Variants in ARHGAP42 observed in about 807,000 individuals in gnomAD.
ARHGAP42 encodes the protein rho GTPase-activating protein 42.
ARHGAP42 carries 63 observed loss-of-function variants against 125.0 expected under a neutral mutation model. The observed-to-expected ratio is 0.50, with a 90% CI of 0.41 to 0.62. ARHGAP42 has a LOEUF of 0.62. Ranked by LOEUF, ARHGAP42 falls within the 20% of genes least tolerant of loss-of-function variation. The pLI, the probability that ARHGAP42 is intolerant of heterozygous loss-of-function variation, is 0.00. For missense variants in ARHGAP42, 766 were observed against 1,024.2 expected (o/e 0.75, Z 3.44); for synonymous variants, 339 against 351.0 (o/e 0.97, Z 0.38).
intron 2 of ARHGAP42, among the ~76,000 whole-genome samples, chr11:100,786,787 G>A (rs1863447209): frequency 6.6e-6 from 1 of 152,094 alleles, no homozygotes; most frequent in Non-Finnish European, 1.5e-5. Context: ...TTTCTCTTAT[G>A]GGGCAAGTCC....
At chr11:100,742,032 T>G (rs548992868) in intron 1 of ARHGAP42, among the ~76,000 whole-genome samples, 113 of 152,330 alleles carry the variant, frequency 7.4e-4, no homozygotes, top group African/African-American at 2.6e-3. Context: ...GCAGCTGATC[T>G]AAATAGTCTT....
intron 8 of ARHGAP42, among the ~76,000 whole-genome samples, chr11:100,941,421 A>G (rs1565286476): frequency 6.6e-6 from 1 of 152,172 alleles, no homozygotes; most frequent in Non-Finnish European, 1.5e-5. Context: ...ATGAGAGTAA[A>G]GTATACAGGT....
intron 2 of ARHGAP42, among the ~76,000 whole-genome samples, chr11:100,791,548 C>CT (rs993582721): frequency 1.1e-4 from 17 of 148,294 alleles, no homozygotes; most frequent in South Asian, 2.1e-4. Flanking sequence ...ATGTCCTCAA[C>CT]TTTTTTTTTT....
At chr11:100,689,633 G>T (rs547449104) in intron 1 of ARHGAP42, among the ~76,000 whole-genome samples, 5 of 152,136 alleles carry the variant, frequency 3.3e-5, no homozygotes, top group Admixed American at 2.0e-4. Context: ...TCTTGGGAGC[G>T]TAGGCTCTTT....
chr11:100,805,632 A>C (rs1863970267), intron 3 of ARHGAP42, among the ~76,000 whole-genome samples: 1 of 152,168 alleles, frequency 6.6e-6, no homozygotes, highest in Admixed American at 6.5e-5. Flanking sequence ...CTATACTTAT[A>C]GTTACTTCTT....
At chr11:100,769,680 T>TC (rs1342050046) in intron 1 of ARHGAP42, among the ~76,000 whole-genome samples, 1 of 151,786 alleles carries the variant, frequency 6.6e-6, no homozygotes, top group African/African-American at 2.4e-5. Flanking sequence ...TTGGCTTTTT[T>TC]CCCGTCACCA....
intron 3 of ARHGAP42, among the ~76,000 whole-genome samples, chr11:100,797,672 A>G (rs1045934458): frequency 7.9e-5 from 12 of 152,306 alleles, no homozygotes; most frequent in African/African-American, 2.6e-4. Context: ...CCCAAGAGCT[A>G]TGATGGAGAT....
At chr11:100,949,326 G>A (rs1868110472) in intron 11 of ARHGAP42, among the ~76,000 whole-genome samples, 1 of 152,074 alleles carries the variant, frequency 6.6e-6, no homozygotes, top group African/African-American at 2.4e-5. Context: ...AAATCCTGTA[G>A]CCACTTGGGT....
chr11:100,740,839 A>T (rs866403694), intron 1 of ARHGAP42, among the ~76,000 whole-genome samples: 9 of 151,684 alleles, frequency 5.9e-5, no homozygotes, highest in Admixed American at 4.6e-4. Context: ...TGGATTATTT[A>T]AAAAAAATAT....
intron 10 of ARHGAP42, among the ~76,000 whole-genome samples, chr11:100,944,952 G>T (rs1413887114): frequency 6.6e-6 from 1 of 151,948 alleles, no homozygotes; most frequent in East Asian, 1.9e-4. Context: ...TTTCAACAAA[G>T]ATTTCTCTGT....
intron 3 of ARHGAP42, among the ~76,000 whole-genome samples, chr11:100,800,675 T>G (rs570186106): frequency 9.8e-5 from 15 of 152,336 alleles, no homozygotes; most frequent in African/African-American, 2.9e-4. Flanking sequence ...TTTCTGTTTT[T>G]GGGGCAGGGA....
chr11:100,787,328 A>G (rs1421273458), intron 2 of ARHGAP42, among the ~76,000 whole-genome samples: 1 of 151,434 alleles, frequency 6.6e-6, no homozygotes, highest in Non-Finnish European at 1.5e-5. Context: ...ATCTCCTGCC[A>G]CCATGTAAGA....
intron 5 of ARHGAP42, among the ~76,000 whole-genome samples, chr11:100,915,802 A>G (rs12271853): frequency 1.6e-3 from 247 of 152,334 alleles, no homozygotes; most frequent in African/African-American, 5.8e-3. Flanking sequence ...AAATTTTGTT[A>G]AAGTAGCTTC....
intron 4 of ARHGAP42, among the ~76,000 whole-genome samples, chr11:100,907,649 T>C (rs1417747034): frequency 6.6e-6 from 1 of 152,192 alleles, no homozygotes; most frequent in Non-Finnish European, 1.5e-5. Context: ...TCCCTTGGGC[T>C]CCAGGTAATG....
chr11:100,884,336 A>T (rs1320323267), intron 4 of ARHGAP42, among the ~76,000 whole-genome samples: 1 of 152,194 alleles, frequency 6.6e-6, no homozygotes, highest in Non-Finnish European at 1.5e-5. Flanking sequence ...GTTGGTTTAG[A>T]ATAAGCCACG....
intron 1 of ARHGAP42, among the ~76,000 whole-genome samples, chr11:100,700,778 T>A (rs1861383287): frequency 6.6e-6 from 1 of 152,230 alleles, no homozygotes; most frequent in East Asian, 1.9e-4. Flanking sequence ...CTTGAACCCC[T>A]TCAAGTCATA....
At chr11:100,903,114 T>TGCGC (rs779395122) in intron 4 of ARHGAP42, among the ~76,000 whole-genome samples, 9,253 of 31,860 alleles carry the variant, frequency 0.29, 360 homozygotes, top group South Asian at 0.33. Flanking sequence ...CTGTCCAAGA[T>TGCGC]GCGCACACAC....
intron 1 of ARHGAP42, among the ~76,000 whole-genome samples, chr11:100,706,734 A>G (rs1224939306): frequency 6.6e-6 from 1 of 152,180 alleles, no homozygotes; most frequent in African/African-American, 2.4e-5. Context: ...GATGCCATTT[A>G]TATTTTTTAA....
chr11:100,728,838 G>A (rs544355213), intron 1 of ARHGAP42, among the ~76,000 whole-genome samples: 192 of 147,398 alleles, frequency 1.3e-3, no homozygotes, highest in African/African-American at 4.4e-3. Flanking sequence ...GCGTGATCTC[G>A]GTTCACTACA....
Sources: gnomAD v4.1 joint callset for allele counts (sites outside exome capture counted in the v4.1 genomes callset) on GRCh38, gnomAD v4.1.1 for gene constraint, MANE v1.5 for transcripts, NCBI Gene and HGNC (gene_info 2026-07-23, HGNC 2026-07-21) for gene names.